Variants in LCA5L observed in about 807,000 individuals in gnomAD.
LCA5L encodes lebercilin-like protein.
Under a neutral mutation model 45.4 loss-of-function variants are expected in LCA5L, and 35 were observed. The ratio of observed to expected loss-of-function variants is 0.77; its 90% CI spans 0.59 to 1.02. The LOEUF is 1.02. LCA5L is among the 50% of genes least tolerant of loss of function. LCA5L has a pLI of 0.00. For missense variants in LCA5L, 668 were observed against 761.6 expected, an observed-to-expected ratio of 0.88 and a Z score of 1.45; for synonymous variants, 233 against 264.7, an observed-to-expected ratio of 0.88 and a Z score of 1.16.
At chr21:39,437,405 T>C (rs2076389259) in intron 2 of LCA5L, among the ~76,000 whole-genome samples, 1 of 152,194 alleles carries the variant, frequency 6.6e-6, no homozygotes, top group South Asian at 2.1e-4. Context: ...GATTATATAC[T>C]TATAAAACAC....
At position 39,409,050 on chromosome 21, in the gene LCA5L, A is replaced by G. The variant is rs1401836124; in HGVS notation, c.1282+929T>C. ...AAGCCGTAACCCCCAGTATGGCTAT[A>G]TTTGGAGACTGGGTCTTTAAGGAAG... On this transcript the variant is annotated intron_variant, in intron 10 of 10. Coordinates refer to ENST00000288350, the MANE Select transcript of LCA5L (RefSeq NM_152505.4). This position sits in a 1 kb window ranked among gnomAD's most constrained non-coding sequence, Gnocchi z 4.2. Among the ~76,000 whole-genome samples, 1 of 152,150 alleles carries G rather than the reference A, an allele frequency of 6.6e-6. No individual in the cohort carries two copies. Among genetic ancestry groups the G allele is most frequent in the Non-Finnish European group, 1.5e-5 (1 of 68,022 alleles).
intron 8 of LCA5L, 36 bp from the exon 9 acceptor site, chr21:39,410,403 T>C: frequency 9.2e-7 from 1 of 1,088,410 alleles, no homozygotes; most frequent in East Asian, 2.4e-5. Context: ...AGAAACATAT[T>C]TTACATTTGG....
intron 7 of LCA5L, among the ~76,000 whole-genome samples, chr21:39,416,096 G>A (rs1436699289): frequency 1.3e-5 from 2 of 152,232 alleles, no homozygotes; most frequent in East Asian, 1.9e-4. Flanking sequence ...ATTATTGAGT[G>A]GAATGCTTTT....
chr21:39,411,668 C>A, intron 8 of LCA5L, 50 bp downstream of exon 8: 2 of 915,850 alleles, frequency 2.2e-6, no homozygotes, highest in East Asian at 2.5e-5. Context: ...TTAGGAAAAT[C>A]TGACTAGATA....
chr21:39,423,169 C>G lies in LCA5L; in HGVS notation c.644G>C (p.Arg215Thr), dbSNP rs1414484000. The G allele has an allele frequency of 6.2e-7, 1 of 1,613,324 alleles. No individual in the cohort carries two copies. The highest frequency in any genetic ancestry group is 8.5e-7 in the Non-Finnish European group (1 of 1,179,816). The change falls in exon 6 of 11, where the codon AGG becomes ACG. Residue 215 changes from arginine (R) to threonine (T), a missense_variant. Physicochemically the swap from Arg to Thr is moderately conservative, Grantham distance 71. Transcript: ENST00000288350. ...NEVKNLRQLL[R>T]KSQEKERTLS... ...AGTTCTTTCCTTTTCCTGGGATTTC[C>G]TAAGTAGTTGCCTTAAATTTTTTAC...
At chr21:39,423,660 T>G (rs1321442684) in intron 5 of LCA5L, among the ~76,000 whole-genome samples, 170 bp from the exon 6 acceptor site, 1 of 152,210 alleles carries the variant, frequency 6.6e-6, no homozygotes, top group Non-Finnish European at 1.5e-5. Flanking sequence ...ATACCCATGC[T>G]TTAGGCTAGG....
chr21:39,430,573 G>T (rs1355655963), intron 3 of LCA5L, among the ~76,000 whole-genome samples: 1 of 152,070 alleles, frequency 6.6e-6, no homozygotes, highest in African/African-American at 2.4e-5. Flanking sequence ...AATCCCATAG[G>T]GTTGAGAAAG....
intron 10 of LCA5L, chr21:39,408,718 C>T (rs2039539944): frequency 6.6e-6 from 1 of 152,234 alleles, no homozygotes. Context: ...TCTGGGCAGC[C>T]CGTTCTCTTG....
chr21:39,418,041 C>T (rs559575483), intron 7 of LCA5L, among the ~76,000 whole-genome samples: 2 of 152,344 alleles, frequency 1.3e-5, no homozygotes, highest in East Asian at 1.9e-4. Context: ...GCTGGGATTA[C>T]AGGCGTGAGC....
chr21:39,431,761 C>T (rs2075754834), intron 3 of LCA5L, among the ~76,000 whole-genome samples: 1 of 152,128 alleles, frequency 6.6e-6, no homozygotes, highest in Non-Finnish European at 1.5e-5. Flanking sequence ...TGTGATCTGC[C>T]CGCCTCGGGC....
intron 10 of LCA5L, among the ~76,000 whole-genome samples, chr21:39,408,261 C>T (rs2039453563): frequency 6.6e-6 from 1 of 152,162 alleles, no homozygotes; most frequent in African/African-American, 2.4e-5. Context: ...AGTGTAAGGG[C>T]AGAATAATGA....
chr21:39,417,774 A>G (rs1569084847), intron 7 of LCA5L, among the ~76,000 whole-genome samples: 2 of 150,644 alleles, frequency 1.3e-5, no homozygotes, highest in African/African-American at 2.4e-5. Flanking sequence ...TTAATTTTTA[A>G]TTTTTTTTTG....
chr21:39,432,819 A>C (rs2075879537), intron 3 of LCA5L, among the ~76,000 whole-genome samples: 1 of 152,184 alleles, frequency 6.6e-6, no homozygotes, highest in South Asian at 2.1e-4. Flanking sequence ...TATGAGATTC[A>C]TCCATGTTAC....
intron 3 of LCA5L, among the ~76,000 whole-genome samples, chr21:39,435,044 G>T (rs1301596765): frequency 1.3e-5 from 2 of 152,060 alleles, no homozygotes; most frequent in Non-Finnish European, 2.9e-5. Flanking sequence ...ACAGTATAGT[G>T]GTGCCTATTT....
At position 39,423,404 on chromosome 21, in the gene LCA5L, C is replaced by G. The variant is rs947353048; in HGVS notation, c.409G>C (p.Asp137His). 2 of 1,607,072 alleles carry G rather than the reference C, an allele frequency of 1.2e-6. No individual in the cohort carries two copies. The highest frequency in any genetic ancestry group is 1.3e-5 in the African/African-American group (1 of 74,890). Residue 137 changes from aspartate to histidine, a missense_variant, in exon 6 of 11, where the codon GAT becomes CAT. Physicochemically the swap from Asp to His is moderately conservative, Grantham distance 81 (BLOSUM62 -1). Transcript: ENST00000288350. ...GAGAGTATTCGATGAGCCATAGCAT[C>G]TCTTCTTTGGGCAATCATATGGATT... ...SQIHMIAQRR[D>H]AMAHRILSAR...
At chr21:39,440,685 A>T (rs2076749645) in intron 2 of LCA5L, among the ~76,000 whole-genome samples, 1 of 152,216 alleles carries the variant, frequency 6.6e-6, no homozygotes, top group African/African-American at 2.4e-5. Context: ...CCAGGGTGGG[A>T]CAGGTGACAT....
chr21:39,411,056 T>C, intron 8 of LCA5L: 1 of 384,250 alleles, frequency 2.6e-6, no homozygotes, highest in Non-Finnish European at 5.2e-6. Flanking sequence ...ACACTAATGA[T>C]AGTGGCATCA....
intron 3 of LCA5L, among the ~76,000 whole-genome samples, chr21:39,433,323 C>A (rs952004749): frequency 6.8e-6 from 1 of 147,522 alleles, no homozygotes; most frequent in African/African-American, 2.5e-5. Context: ...GAGGCTGAGG[C>A]AGGAGAATTG....
rs1053398429 is a variant in LCA5L at position 39,422,091 on chromosome 21, T to G, written c.837+885A>C. On this transcript the variant is annotated intron_variant, in intron 6 of 10. Transcript: ENST00000288350. ...ATTTTCTGTAGATCACATATTAATTTCATGTGAAAAAAATTTATTGGAAAA... is the reference window on the plus strand; with the variant it reads ...ATTTTCTGTAGATCACATATTAATTGCATGTGAAAAAAATTTATTGGAAAA... The G allele has an allele frequency of 2.0e-5, 3 of 152,310 alleles. No homozygotes were observed. The East Asian group carries it at 5.8e-4, about 29-fold the overall frequency. The allele number at this position is 152,310 out of a possible 1,614,324, so 9.4% of individuals were successfully genotyped here. A position where few individuals can be genotyped will look rare whatever the true frequency, so the allele number is the denominator to read the frequency against.
Sources: gnomAD v4.1 joint callset for allele counts (sites outside exome capture counted in the v4.1 genomes callset) on GRCh38, gnomAD v4.1.1 for gene constraint, Gnocchi (gnomAD v3.1) non-coding constraint, MANE v1.5 for transcripts, NCBI Gene and HGNC (gene_info 2026-07-23, HGNC 2026-07-21) for gene names.